The following B4GALNT3 variants were observed in gnomAD, a reference collection of about 807,000 sequenced individuals.
B4GALNT3 encodes beta-1,4-N-acetyl-galactosaminyltransferase 3, also known as beta-1,4-N-acetylgalactosaminyltransferase 3.
In B4GALNT3, 86 loss-of-function variants were observed where a neutral mutation model predicts 120.2. That is an observed-to-expected ratio of 0.72 (90% CI 0.60 to 0.86). The LOEUF is 0.86. B4GALNT3 is among the 40% of genes least tolerant of loss of function. The probability of loss-of-function intolerance (pLI) is 0.00; values close to 1 mark genes in which losing one functional copy is unlikely to be tolerated. For missense variants in B4GALNT3, 1,167 were observed against 1,298.9 expected (o/e 0.90, Z 1.56); for synonymous variants, 518 against 510.4 (o/e 1.01, Z -0.20).
intron 1 of B4GALNT3, among the ~76,000 whole-genome samples, chr12:516,842 G>C (rs1214829074): frequency 6.6e-6 from 1 of 152,178 alleles, no homozygotes; most frequent in Non-Finnish European, 1.5e-5. Context: ...TCTAGGACTG[G>C]AGTGGTGGAG....
intron 1 of B4GALNT3, among the ~76,000 whole-genome samples, chr12:475,880 A>G (rs945870161): frequency 6.6e-6 from 1 of 152,148 alleles, no homozygotes; most frequent in South Asian, 2.1e-4. Flanking sequence ...CATTGATGGA[A>G]TGCTTGGAAG....
At chr12:504,244 G>A (rs1946472135) in intron 1 of B4GALNT3, among the ~76,000 whole-genome samples, 1 of 146,674 alleles carries the variant, frequency 6.8e-6, no homozygotes, top group Non-Finnish European at 1.5e-5. Context: ...TTGCATTACT[G>A]CACTCCAGCC....
At chr12:511,301 C>G (rs111454192) in intron 1 of B4GALNT3, among the ~76,000 whole-genome samples, 4 of 90,828 alleles carry the variant, frequency 4.4e-5, no homozygotes, top group Admixed American at 2.3e-4. Context: ...CGACCTTCCA[C>G]CTTCCACCTT....
chr12:502,808 G>T (rs1374311377), intron 1 of B4GALNT3, among the ~76,000 whole-genome samples: 1 of 152,200 alleles, frequency 6.6e-6, no homozygotes, highest in Non-Finnish European at 1.5e-5. Flanking sequence ...AAGCTGGAGT[G>T]CAGTAGTGTG....
chr12:521,116 T>C (rs2120620389), intron 1 of B4GALNT3, among the ~76,000 whole-genome samples: 1 of 152,268 alleles, frequency 6.6e-6, no homozygotes, highest in Middle Eastern at 3.4e-3. Flanking sequence ...AGTTAAGCTG[T>C]TTTCACAGGG....
chr12:506,737 C>T (rs914938965), intron 1 of B4GALNT3, among the ~76,000 whole-genome samples: 4 of 152,046 alleles, frequency 2.6e-5, no homozygotes, highest in South Asian at 2.1e-4. Context: ...CCCGGGTTCA[C>T]GCCATTCTCC....
At chr12:547,029 G>C (rs1377743672) in intron 7 of B4GALNT3, among the ~76,000 whole-genome samples, 2 of 152,198 alleles carry the variant, frequency 1.3e-5, no homozygotes, top group African/African-American at 2.4e-5. Context: ...CAACAGCCTG[G>C]ACCCCGGACC....
At chr12:474,372 T>G (rs6489543) in intron 1 of B4GALNT3, among the ~76,000 whole-genome samples, 138,873 of 151,966 alleles carry the variant, frequency 0.91, 64,070 homozygotes, top group South Asian at 0.99. Context: ...GCACGTCCAT[T>G]AGTACACTTA....
intron 1 of B4GALNT3, among the ~76,000 whole-genome samples, chr12:512,030 TCTACCTTCTGC>T (rs1946577776): frequency 8.1e-6 from 1 of 123,000 alleles, no homozygotes; most frequent in East Asian, 2.8e-4. Context: ...CCTTCCACCT[TCTACCTTCTGC>T]CTTCCACCTT....
At chr12:501,031 TC>T (rs1946437592) in intron 1 of B4GALNT3, among the ~76,000 whole-genome samples, 1 of 143,446 alleles carries the variant, frequency 7.0e-6, no homozygotes, top group South Asian at 2.4e-4. Flanking sequence ...ACCCAGCCAC[TC>T]CCGGCTAATT....
At chr12:488,672 A>T (rs531833253) in intron 1 of B4GALNT3, among the ~76,000 whole-genome samples, 12 of 152,166 alleles carry the variant, frequency 7.9e-5, no homozygotes, top group South Asian at 2.1e-4. Flanking sequence ...AATTTTTAAA[A>T]TTTTTTTAAC....
Position 545,459 on chromosome 12 carries a change from G to T in B4GALNT3, c.629G>T (p.Ser210Ile), listed in dbSNP as rs149559046. 73 of 1,604,066 alleles carry T rather than the reference G, an allele frequency of 4.6e-5. No individual in the cohort carries two copies. In the African/African-American group the frequency reaches 8.8e-4, roughly 19 times the overall value. ...DQVSGLQLLA[S>I]VGKTGKEWTA... The stretch of plus-strand genomic sequence containing the variant: ...GTCTCAGGCCTCCAGCTGCTGGCCA[G>T]TGTGGGCAAGGTAAGGCCAGCTCAA... The change falls in exon 6 of 20, where the codon AGT (serine) becomes ATT (isoleucine). Residue 210 changes from serine (S) to isoleucine (I), a missense_variant. By Grantham distance (142) the Ser-to-Ile change is moderately radical. Around this residue, in one of 3 missense-constraint regions of B4GALNT3, gnomAD observed 983 missense variants for 1,102.5 expected, o/e 0.89. Transcript: ENST00000266383.
intron 1 of B4GALNT3, among the ~76,000 whole-genome samples, chr12:524,430 A>G (rs1946742065): frequency 6.6e-6 from 1 of 152,196 alleles, no homozygotes; most frequent in Non-Finnish European, 1.5e-5. Flanking sequence ...AAGATCCTTA[A>G]AAGAGTGTGT....
intron 1 of B4GALNT3, among the ~76,000 whole-genome samples, chr12:479,168 C>T (rs1171336290): frequency 1.3e-5 from 2 of 152,098 alleles, no homozygotes; most frequent in African/African-American, 4.8e-5. Context: ...CTGCAGTGAC[C>T]TGACTCTTGG....
intron 1 of B4GALNT3, among the ~76,000 whole-genome samples, chr12:493,711 TATTC>T (rs1466855281): frequency 1.3e-5 from 2 of 152,218 alleles, no homozygotes; most frequent in African/African-American, 4.8e-5. Flanking sequence ...TTCCTGCTTT[TATTC>T]ATTTGCTTTT....
At chr12:517,759 C>T (rs990559288) in intron 1 of B4GALNT3, among the ~76,000 whole-genome samples, 5 of 152,120 alleles carry the variant, frequency 3.3e-5, no homozygotes, top group African/African-American at 4.8e-5. Flanking sequence ...AGGGCTGTGC[C>T]ATGGGGAAAG....
chr12:533,971 G>A (rs548705716), intron 1 of B4GALNT3, among the ~76,000 whole-genome samples: 1 of 152,316 alleles, frequency 6.6e-6, no homozygotes, highest in South Asian at 2.1e-4. Context: ...TGTCTCTGCT[G>A]GTGCTCACGT....
At chr12:543,116 G>T (rs1159481224) in intron 3 of B4GALNT3, 1 of 1,289,426 alleles carries the variant, frequency 7.8e-7, no homozygotes, top group South Asian at 1.2e-5. Context: ...TTCCTGCATG[G>T]GAGGTCCAGG....
At position 548,118 on chromosome 12, in the gene B4GALNT3, C is replaced by T. The variant is rs1947031164; in HGVS notation, c.786+16C>T. On this transcript the variant is annotated intron_variant, in intron 8 of 19. Coordinates refer to ENST00000266383, the MANE Select transcript of B4GALNT3 (RefSeq NM_173593.4). This position sits in a 1 kb window ranked among gnomAD's most constrained non-coding sequence, Gnocchi z 4.9. ...GGAAGTTGCAGTGAGTTTCCTGCTG[C>T]TCCCGCCTCTCCCAGCTCAGTTCCT... is the stretch of plus-strand genomic sequence containing the variant. The T allele has an allele frequency of 1.2e-6, 2 of 1,608,748 alleles. No homozygotes were observed. Among genetic ancestry groups the T allele is most frequent in the African/African-American group, 1.3e-5 (1 of 74,742 alleles).
Sources: allele counts gnomAD v4.1 joint callset (sites outside exome capture counted in the v4.1 genomes callset), GRCh38; gene constraint gnomAD v4.1.1; regional missense constraint gnomAD v4.1.1; non-coding constraint Gnocchi (gnomAD v3.1); transcripts MANE v1.5; gene names NCBI Gene and HGNC (gene_info 2026-07-23, HGNC 2026-07-21).